Variants in CACNA1D observed in about 807,000 individuals in gnomAD.
CACNA1D encodes calcium voltage-gated channel subunit alpha1 D.
A neutral mutation model predicts 257.1 loss-of-function variants in CACNA1D; 55 were observed. The observed-to-expected ratio is 0.21, with a 90% confidence interval of 0.17 to 0.27. CACNA1D has a LOEUF of 0.27. Among genes scored for constraint, CACNA1D ranks in the 10% least tolerant of loss-of-function variants. The probability of loss-of-function intolerance (pLI) is 1.00; values close to 1 mark genes in which losing one functional copy is unlikely to be tolerated. For missense variants in CACNA1D, 1,876 were observed against 2,784.0 expected (o/e 0.67, Z 7.34); for synonymous variants, 980 against 1,014.9 (o/e 0.97, Z 0.65).
intron 29 of CACNA1D, among the ~76,000 whole-genome samples, chr3:53,754,526 A>G (rs2095250162): frequency 6.6e-6 from 1 of 152,198 alleles, no homozygotes; most frequent in Non-Finnish European, 1.5e-5. Flanking sequence ...CCATATACGC[A>G]CTGCTTAACA....
chr3:53,681,699 G>T (rs139703634), intron 8 of CACNA1D, among the ~76,000 whole-genome samples: 1 of 152,212 alleles, frequency 6.6e-6, no homozygotes, highest in African/African-American at 2.4e-5. Context: ...TCTAATGATG[G>T]AGGCCAAAAT....
rs548016016 is a variant in CACNA1D at position 53,760,552 on chromosome 3, G to C, written c.3787-1446G>C. Among the ~76,000 whole-genome samples the C allele has an allele frequency of 6.6e-4, 100 of 152,330 alleles. 1 individual carries two copies. Among genetic ancestry groups the C allele is most frequent in the African/African-American group, 2.4e-3 (100 of 41,570 alleles). The stretch of plus-strand genomic sequence containing the variant: ...ATAGACAGAGCTGTTGATCTTGACA[G>C]TCAGTCCGTTGCCTCTTTGGCTGTC... On this transcript the variant is annotated intron_variant, in intron 29 of 47. Coordinates refer to ENST00000350061, the MANE Select transcript of CACNA1D (RefSeq NM_001128840.3).
At chr3:53,765,463 G>C (rs1208582995) in intron 30 of CACNA1D, 1 of 152,566 alleles carries the variant, frequency 6.6e-6, no homozygotes, top group Non-Finnish European at 1.5e-5. Context: ...AAATTGTAGC[G>C]GCAAGTATAT....
At chr3:53,647,173 C>T (rs533383323) in intron 3 of CACNA1D, among the ~76,000 whole-genome samples, 18 of 152,152 alleles carry the variant, frequency 1.2e-4, no homozygotes, top group South Asian at 2.1e-4. Flanking sequence ...AGTTTCTGGA[C>T]GTTGTTTTCT....
At chr3:53,520,630 G>A (rs1301180884) in intron 3 of CACNA1D, among the ~76,000 whole-genome samples, 1 of 152,100 alleles carries the variant, frequency 6.6e-6, no homozygotes, top group Non-Finnish European at 1.5e-5. Context: ...GTCAGACATG[G>A]TCACAGGCAT....
chr3:53,756,566 G>A (rs1211831210), intron 29 of CACNA1D, among the ~76,000 whole-genome samples: 1 of 152,246 alleles, frequency 6.6e-6, no homozygotes, highest in Admixed American at 6.5e-5. Flanking sequence ...CCAGCTGGGT[G>A]TTGACCTGGT....
intron 8 of CACNA1D, among the ~76,000 whole-genome samples, chr3:53,675,898 A>G (rs754803530): frequency 4.9e-4 from 74 of 152,298 alleles, no homozygotes; most frequent in South Asian, 8.3e-4. Context: ...AAACCCCTAG[A>G]GGCTGCACAT....
At chr3:53,781,298 A>G (rs1226391446) in intron 38 of CACNA1D, among the ~76,000 whole-genome samples, 2 of 152,148 alleles carry the variant, frequency 1.3e-5, no homozygotes, top group African/African-American at 4.8e-5. Flanking sequence ...GGAGGGCAGG[A>G]TGGAATCAGA....
At chr3:53,711,018 G>T (rs1209569105) in intron 9 of CACNA1D, among the ~76,000 whole-genome samples, 1 of 152,150 alleles carries the variant, frequency 6.6e-6, no homozygotes, top group East Asian at 1.9e-4. Context: ...ATCACTTGAA[G>T]CCAGGAGTTT....
chr3:53,719,903 C>A, intron 11 of CACNA1D, 122 bp downstream of exon 11: 2 of 919,200 alleles, frequency 2.2e-6, no homozygotes, highest in Non-Finnish European at 3.7e-6. Context: ...AACATTGATA[C>A]TGAATTGCAG....
intron 30 of CACNA1D, among the ~76,000 whole-genome samples, chr3:53,769,672 C>T (rs139910798): frequency 6.0e-4 from 92 of 152,318 alleles, no homozygotes; most frequent in East Asian, 2.5e-3. Flanking sequence ...TCGCGAGAAG[C>T]GGGGGCACAC....
intron 8 of CACNA1D, among the ~76,000 whole-genome samples, chr3:53,675,597 A>G (rs1221731594): frequency 6.6e-6 from 1 of 152,198 alleles, no homozygotes; most frequent in Non-Finnish European, 1.5e-5. Flanking sequence ...GTGCTTAAAA[A>G]AAGAAAAGAG....
At chr3:53,788,911 G>A (rs1176391503) in intron 40 of CACNA1D, among the ~76,000 whole-genome samples, 2 of 152,152 alleles carry the variant, frequency 1.3e-5, no homozygotes, top group African/African-American at 4.8e-5. Context: ...GAACCCCCAA[G>A]ACTTCCCAAT....
chr3:53,787,423 T>TTGTGTGTGTGTGTG (rs1559688025), intron 40 of CACNA1D, among the ~76,000 whole-genome samples: 2 of 53,940 alleles, frequency 3.7e-5, no homozygotes, highest in African/African-American at 1.6e-4. Flanking sequence ...CTAGTATGTA[T>TTGTGTGTGTGTGTG]TCTGTGTGTG....
chr3:53,663,764 G>A (rs1288749866), intron 5 of CACNA1D, among the ~76,000 whole-genome samples: 1 of 151,680 alleles, frequency 6.6e-6, no homozygotes, highest in Non-Finnish European at 1.5e-5. Context: ...AGTTTTAAAT[G>A]TAGGAAATAA....
intron 30 of CACNA1D, among the ~76,000 whole-genome samples, chr3:53,763,797 G>C (rs1028447361): frequency 1.3e-5 from 2 of 152,298 alleles, no homozygotes; most frequent in South Asian, 4.2e-4. Context: ...CCTAAGACCT[G>C]GCAGTTGCAG....
At chr3:53,756,964 C>T (rs890337298) in intron 29 of CACNA1D, among the ~76,000 whole-genome samples, 1 of 152,144 alleles carries the variant, frequency 6.6e-6, no homozygotes, top group Admixed American at 6.5e-5. Context: ...CTTGATTCTA[C>T]CCTGAAAATA....
chr3:53,702,544 G>T, intron 8 of CACNA1D, 97 bp from the exon 9 acceptor site: 1 of 1,151,844 alleles, frequency 8.7e-7, no homozygotes, highest in Non-Finnish European at 1.3e-6. Context: ...AGTGCTGTGT[G>T]TCCTGCCCAC....
intron 3 of CACNA1D, among the ~76,000 whole-genome samples, chr3:53,616,795 CT>C (rs1258602544): frequency 3.3e-4 from 49 of 146,508 alleles, no homozygotes; most frequent in East Asian, 9.9e-4. Flanking sequence ...GCCTTTTTTT[CT>C]TTTTTTTTTT....
Sources: gnomAD v4.1 joint callset for allele counts (sites outside exome capture counted in the v4.1 genomes callset) on GRCh38, gnomAD v4.1.1 for gene constraint, MANE v1.5 for transcripts, NCBI Gene and HGNC (gene_info 2026-07-23, HGNC 2026-07-21) for gene names.